CDH13: variants seen among roughly 807,000 people sequenced by gnomAD.
The protein encoded by CDH13 is cadherin 13, also known as cadherin-13.
In CDH13, 24 loss-of-function variants were observed where a neutral mutation model predicts 63.8. The ratio of observed to expected loss-of-function variants is 0.38; its 90% CI spans 0.27 to 0.53. The LOEUF (loss-of-function observed/expected upper bound fraction) is 0.53, where lower values mean the gene tolerates loss of function less well. CDH13 is among the 20% of genes least tolerant of loss of function. The probability of loss-of-function intolerance (pLI) is 0.85; values close to 1 mark genes in which losing one functional copy is unlikely to be tolerated. For missense variants in CDH13, 1,049 were observed against 903.1 expected (o/e 1.16, Z -2.07); for synonymous variants, 503 against 355.3 (o/e 1.42, Z -4.67).
chr16:83,058,813 G>C (rs547263181), intron 3 of CDH13, among the ~76,000 whole-genome samples: 2 of 152,278 alleles, frequency 1.3e-5, no homozygotes, highest in South Asian at 4.2e-4. Flanking sequence ...GCTGACACAC[G>C]CTGACCTCAC....
At chr16:83,419,321 T>A (rs1308320670) in intron 6 of CDH13, among the ~76,000 whole-genome samples, 1 of 152,178 alleles carries the variant, frequency 6.6e-6, no homozygotes, top group African/African-American at 2.4e-5. Flanking sequence ...TAATTGGTAC[T>A]CAGAAGTGTA....
intron 2 of CDH13, among the ~76,000 whole-genome samples, chr16:83,027,308 T>C (rs1233719588): frequency 6.6e-6 from 1 of 151,986 alleles, no homozygotes; most frequent in African/African-American, 2.4e-5. Flanking sequence ...AAATACATAA[T>C]ATGGACAGAT....
At chr16:83,695,983 G>A (rs535930204) in intron 10 of CDH13, among the ~76,000 whole-genome samples, 1 of 151,504 alleles carries the variant, frequency 6.6e-6, no homozygotes, top group East Asian at 2.0e-4. Context: ...TCTGCCTCCT[G>A]GGCTCAAGGG....
intron 8 of CDH13, among the ~76,000 whole-genome samples, chr16:83,609,902 C>A (rs1908700517): frequency 6.6e-6 from 1 of 151,966 alleles, no homozygotes; most frequent in South Asian, 2.1e-4. Context: ...ACGCTGGCCA[C>A]CACTGATCTA....
chr16:82,692,367 C>A (rs1915727016), intron 1 of CDH13, among the ~76,000 whole-genome samples: 1 of 152,196 alleles, frequency 6.6e-6, no homozygotes, highest in African/African-American at 2.4e-5. Context: ...ACTCACAGTT[C>A]TGTATGGTAG....
chr16:83,573,583 G>A (rs1904840765), intron 7 of CDH13, among the ~76,000 whole-genome samples: 2 of 152,106 alleles, frequency 1.3e-5, no homozygotes, highest in Non-Finnish European at 2.9e-5. Flanking sequence ...CTTAACAAAG[G>A]GGCCTATGCA....
intron 1 of CDH13, among the ~76,000 whole-genome samples, chr16:82,703,298 C>T (rs539105607): frequency 7.9e-5 from 12 of 152,140 alleles, no homozygotes; most frequent in Non-Finnish European, 1.5e-4. Context: ...ACTTATGTTC[C>T]GTCCCCCCAC....
intron 8 of CDH13, among the ~76,000 whole-genome samples, chr16:83,670,042 T>C (rs942208895): frequency 1.3e-5 from 2 of 152,190 alleles, no homozygotes; most frequent in Non-Finnish European, 2.9e-5. Flanking sequence ...GAAACAAGAA[T>C]TTGAGATGTA....
intron 1 of CDH13, among the ~76,000 whole-genome samples, chr16:82,832,671 A>G (rs1370831384): frequency 3.9e-5 from 6 of 152,206 alleles, no homozygotes. Context: ...AAAACAAAAT[A>G]TAGCAACGAT....
At chr16:83,437,076 T>G (rs4782536) in intron 6 of CDH13, among the ~76,000 whole-genome samples, 73,547 of 151,824 alleles carry the variant, frequency 0.48, 18,324 homozygotes, top group African/African-American at 0.58. Flanking sequence ...ACTGTTTTGT[T>G]TGGGTTTTTT....
At chr16:83,366,515 G>A (rs1448766351) in intron 6 of CDH13, among the ~76,000 whole-genome samples, 1 of 152,144 alleles carries the variant, frequency 6.6e-6, no homozygotes, top group Admixed American at 6.5e-5. Flanking sequence ...TCTTTCATAA[G>A]ATGCTGGGAT....
intron 5 of CDH13, among the ~76,000 whole-genome samples, chr16:83,294,644 T>G (rs955819393): frequency 6.6e-6 from 1 of 151,964 alleles, no homozygotes; most frequent in Non-Finnish European, 1.5e-5. Context: ...TATTCATGTA[T>G]TGATGGACAT....
intron 1 of CDH13, among the ~76,000 whole-genome samples, chr16:82,663,524 G>T (rs766574013): frequency 3.9e-5 from 6 of 152,088 alleles, no homozygotes; most frequent in African/African-American, 1.4e-4. Context: ...ATGTCTCCTA[G>T]TGACTCCCCT....
At chr16:82,847,714 G>A (rs890675761) in intron 1 of CDH13, among the ~76,000 whole-genome samples, 4 of 152,152 alleles carry the variant, frequency 2.6e-5, no homozygotes, top group Non-Finnish European at 4.4e-5. Flanking sequence ...TATTCTGTTT[G>A]CGTTATCTCA....
intron 2 of CDH13, among the ~76,000 whole-genome samples, chr16:82,905,145 C>A (rs180686616): frequency 7.9e-5 from 12 of 152,278 alleles, no homozygotes; most frequent in African/African-American, 2.9e-4. Context: ...GCCACGGCTG[C>A]TGACAGCAGT....
intron 1 of CDH13, among the ~76,000 whole-genome samples, chr16:82,780,635 C>G (rs1421673022): frequency 6.6e-6 from 1 of 152,162 alleles, no homozygotes; most frequent in Non-Finnish European, 1.5e-5. Context: ...ATTAGTTTAG[C>G]TCAAGGGAAG....
At chr16:83,613,535 G>T (rs750477438) in intron 8 of CDH13, among the ~76,000 whole-genome samples, 1 of 152,006 alleles carries the variant, frequency 6.6e-6, no homozygotes, top group Non-Finnish European at 1.5e-5. Context: ...CCCATTTATT[G>T]ATTTAATTAC....
chr16:82,812,032 G>A (rs115431571), intron 1 of CDH13, among the ~76,000 whole-genome samples: 2 of 152,162 alleles, frequency 1.3e-5, no homozygotes, highest in South Asian at 2.1e-4. Flanking sequence ...ACCAGGTTAC[G>A]AAGGGATGTT....
chr16:83,771,549 G>T (rs1489719171), intron 11 of CDH13, among the ~76,000 whole-genome samples: 1 of 152,182 alleles, frequency 6.6e-6, no homozygotes. Flanking sequence ...GCACCGCCAT[G>T]GTCTAAAAGG....
Sources: allele counts gnomAD v4.1 joint callset (sites outside exome capture counted in the v4.1 genomes callset), GRCh38; gene constraint gnomAD v4.1.1; transcripts MANE v1.5; gene names NCBI Gene and HGNC (gene_info 2026-07-23, HGNC 2026-07-21).